OSBPL3: variants seen among roughly 807,000 people sequenced by gnomAD.
OSBPL3 encodes the protein oxysterol-binding protein-related protein 3.
A neutral mutation model predicts 120.1 loss-of-function variants in OSBPL3; 65 were observed. The observed-to-expected ratio is 0.54, with a 90% CI of 0.44 to 0.67. OSBPL3 has a LOEUF of 0.67. OSBPL3 is among the 30% of genes least tolerant of loss of function. OSBPL3 has a pLI of 0.00. For missense variants in OSBPL3, 1,004 were observed against 1,082.1 expected, an observed-to-expected ratio of 0.93 and a Z score of 1.01; for synonymous variants, 416 against 402.6, an observed-to-expected ratio of 1.03 and a Z score of -0.40.
rs544717614 is a variant in OSBPL3, at chr7:24,968,730, G to A, written c.-150+11156C>T. Among the ~76,000 whole-genome samples the A allele has an allele frequency of 6.6e-6, 1 of 152,266 alleles. No homozygotes were observed. The highest frequency in any genetic ancestry group is 6.5e-5 in the Admixed American group (1 of 15,306). ...CAATTTTATCCATGTGTGCATATAT[G>A]CATGAATATATGTCCATGTGTATAT... On this transcript the variant is annotated intron_variant, in intron 1 of 22. Coordinates refer to ENST00000313367, the MANE Select transcript of OSBPL3 (RefSeq NM_015550.4). This position sits in a 1 kb window ranked among gnomAD's most constrained non-coding sequence, Gnocchi z 4.6.
chr7:24,958,648 T>G (rs1291696771), intron 1 of OSBPL3, among the ~76,000 whole-genome samples: 1 of 152,186 alleles, frequency 6.6e-6, no homozygotes, highest in African/African-American at 2.4e-5. Flanking sequence ...CACTCTGCCA[T>G]GTACACATAT....
chr7:24,887,934 A>T (rs1367179074), intron 2 of OSBPL3, among the ~76,000 whole-genome samples: 1 of 152,138 alleles, frequency 6.6e-6, no homozygotes, highest in Non-Finnish European at 1.5e-5. Context: ...AACTTTTTTC[A>T]CTTGTTTTAG....
intron 1 of OSBPL3, among the ~76,000 whole-genome samples, chr7:24,944,393 C>T (rs1378567619): frequency 1.3e-5 from 2 of 151,842 alleles, no homozygotes; most frequent in Non-Finnish European, 2.9e-5. Context: ...CTTTGGGAGG[C>T]CAAGGCAGGC....
chr7:24,934,513 C>G (rs1373026686), intron 1 of OSBPL3, among the ~76,000 whole-genome samples: 1 of 152,146 alleles, frequency 6.6e-6, no homozygotes, highest in Non-Finnish European at 1.5e-5. Flanking sequence ...CTTTTGGCCC[C>G]CAACCACTAG....
At chr7:24,869,618 T>C (rs1386186839) in intron 5 of OSBPL3, among the ~76,000 whole-genome samples, 1 of 152,216 alleles carries the variant, frequency 6.6e-6, no homozygotes, top group Non-Finnish European at 1.5e-5. Context: ...AATATCCTGC[T>C]GTACAAAGTC....
At chr7:24,924,395 G>A (rs1272561093) in intron 1 of OSBPL3, among the ~76,000 whole-genome samples, 3 of 152,072 alleles carry the variant, frequency 2.0e-5, no homozygotes, top group African/African-American at 7.2e-5. Flanking sequence ...GATATATTAC[G>A]TAAAAAACAA....
In OSBPL3 at chr7:24,822,200, T is replaced by C. The variant is rs1795208818; in HGVS notation, c.1885-1962A>G. Among the ~76,000 whole-genome samples, 1 of 152,180 alleles carries C rather than the reference T, an allele frequency of 6.6e-6. No individual in the cohort carries two copies. The highest frequency in any genetic ancestry group is 1.5e-5 in the Non-Finnish European group (1 of 68,032). The stretch of plus-strand genomic sequence containing the variant: ...TCTTTTTTAAAAAAATCCTACCACT[T>C]GGAGATACCTTATATTAAAAAATGC... On this transcript the variant is annotated intron_variant, in intron 16 of 22. Coordinates refer to ENST00000313367, the MANE Select transcript of OSBPL3 (RefSeq NM_015550.4). The surrounding 1 kb of genome is among the most constrained non-coding windows in gnomAD (Gnocchi z 5.8).
In OSBPL3 at chr7:24,813,954, A is replaced by G. The variant is rs1312128598; in HGVS notation, c.2172+1105T>C. Among the ~76,000 whole-genome samples the G allele has an allele frequency of 1.3e-5, 2 of 152,308 alleles. No homozygotes were observed. Among genetic ancestry groups the G allele is most frequent in the East Asian group, 3.9e-4 (2 of 5,184 alleles). On this transcript the variant is annotated intron_variant, in intron 19 of 22. Coordinates refer to ENST00000313367, the MANE Select transcript of OSBPL3 (RefSeq NM_015550.4). The surrounding 1 kb of genome is among the most constrained non-coding windows in gnomAD (Gnocchi z 4.5). The stretch of plus-strand genomic sequence containing the variant: ...TATGAGTCTCTCATGTGTGCCAGAC[A>G]CCATTGCAGGAATCAGGGCTACAGA...
In OSBPL3 at chr7:24,817,241, G is replaced by C. The variant is rs1794584902; in HGVS notation, c.1949-553C>G. On this transcript the variant is annotated intron_variant, in intron 17 of 22. Transcript: ENST00000313367. The surrounding 1 kb of genome is among the most constrained non-coding windows in gnomAD (Gnocchi z 4.0). Reference sequence around the variant, plus strand: ...GTAGAAAGGTTGAGAACAAAACCAGGTGCAGTGGCTCATGCCTGTAATCCT... The same window carrying C: ...GTAGAAAGGTTGAGAACAAAACCAGCTGCAGTGGCTCATGCCTGTAATCCT... 6.6e-6 allele frequency among the ~76,000 whole-genome samples: 1 copy of C among 152,216 alleles called. No individual in the cohort carries two copies. Among genetic ancestry groups the C allele is most frequent in the Non-Finnish European group, 1.5e-5 (1 of 68,042 alleles).
At chr7:24,962,408 A>AGGGAG (rs1159104070) in intron 1 of OSBPL3, among the ~76,000 whole-genome samples, 2 of 75,078 alleles carry the variant, frequency 2.7e-5, no homozygotes, top group African/African-American at 5.1e-5. Flanking sequence ...GGAGGGCAGA[A>AGGGAG]GGGAGGGGAG....
At chr7:24,848,081 T>A (rs1421033671) in intron 12 of OSBPL3, among the ~76,000 whole-genome samples, 1 of 152,168 alleles carries the variant, frequency 6.6e-6, no homozygotes, top group Non-Finnish European at 1.5e-5. Flanking sequence ...CCATCTTGTC[T>A]CCAAATGGGT....
rs763547574 is a variant in OSBPL3 at position 24,820,124 on chromosome 7, T to G, written c.1948+51A>C. The stretch of plus-strand genomic sequence containing the variant: ...GACAGCAATTCTTGGATAAAATAAA[T>G]AGATAACATATTACACAATATGATG... On this transcript the variant is annotated intron_variant, in intron 17 of 22. Coordinates refer to ENST00000313367, the MANE Select transcript of OSBPL3 (RefSeq NM_015550.4). This position sits in a 1 kb window ranked among gnomAD's most constrained non-coding sequence, Gnocchi z 4.6. 1.6e-6 allele frequency: 2 copies of G among 1,268,492 alleles called. No individual in the cohort carries two copies. The highest frequency in any genetic ancestry group is 4.9e-5 in the East Asian group (2 of 40,892). 78.6% of individuals were successfully genotyped at this position (1,268,492 alleles called of 1,614,324 possible). A position where few individuals can be genotyped will look rare whatever the true frequency, so the allele number is the denominator to read the frequency against.
Position 24,804,204 on chromosome 7 carries a change from G to A in OSBPL3, c.2567+111C>T, listed in dbSNP as rs964764165. 1.1e-5 allele frequency: 14 copies of A among 1,305,760 alleles called. No homozygotes were observed. In the African/African-American group the frequency reaches 1.8e-4, roughly 16 times the overall value. 80.9% of individuals were successfully genotyped at this position (1,305,760 alleles called of 1,614,324 possible). A position where few individuals can be genotyped will look rare whatever the true frequency, so the allele number is the denominator to read the frequency against. On this transcript the variant is annotated intron_variant, in intron 22 of 22. Coordinates refer to ENST00000313367, the MANE Select transcript of OSBPL3 (RefSeq NM_015550.4). The surrounding 1 kb of genome is among the most constrained non-coding windows in gnomAD (Gnocchi z 5.4). Reference sequence around the variant, plus strand: ...GTACCCCCACGTGGAAGCAGGAAAAGCCTGGAGAATGCTCTTATCTGGGGA... The same window carrying A: ...GTACCCCCACGTGGAAGCAGGAAAAACCTGGAGAATGCTCTTATCTGGGGA...
rs369476837 is a variant in OSBPL3 at position 24,806,795 on chromosome 7, G to A, written c.2425C>T (p.Arg809Ter). Reference sequence around the variant, plus strand: ...CCTTACCTCTGGTCTGGCCTAAATCGAGTGTCAGTAGGTGGCAATAAAGAC... The same window carrying A: ...CCTTACCTCTGGTCTGGCCTAAATCAAGTGTCAGTAGGTGGCAATAAAGAC... ...SKSLLPPTDT[R>*]FRPDQRFLEE... Residue 809 changes from arginine to a stop codon, truncating the protein, a stop_gained, in exon 21 of 23, where the codon CGA (arginine) becomes TGA (stop). Coordinates refer to ENST00000313367, the MANE Select transcript of OSBPL3 (RefSeq NM_015550.4). LOFTEE classifies it high-confidence loss of function. The surrounding 1 kb of genome is among the most constrained non-coding windows in gnomAD (Gnocchi z 5.2). The A allele has an allele frequency of 6.8e-6, 11 of 1,613,902 alleles. No individual in the cohort carries two copies. The highest frequency in any genetic ancestry group is 6.7e-5 in the Admixed American group (4 of 60,014).
rs1055082733 is a variant in OSBPL3 at position 24,953,548 on chromosome 7, T to A, written c.-150+26338A>T. Among the ~76,000 whole-genome samples the A allele has an allele frequency of 1.3e-5, 2 of 152,188 alleles. No homozygotes were observed. Among genetic ancestry groups the A allele is most frequent in the Non-Finnish European group, 2.9e-5 (2 of 68,038 alleles). On this transcript the variant is annotated intron_variant, in intron 1 of 22. Coordinates refer to ENST00000313367, the MANE Select transcript of OSBPL3 (RefSeq NM_015550.4). This position sits in a 1 kb window ranked among gnomAD's most constrained non-coding sequence, Gnocchi z 4.3. ...TCATTATTACTCTCAGTATGAAAAC[T>A]AAATAGATCATCAGAAAAAGAATTA...
In OSBPL3 at chr7:24,912,133, A is replaced by G. The variant is rs1808908753; in HGVS notation, c.-149-19512T>C. Among the ~76,000 whole-genome samples the G allele has an allele frequency of 6.6e-6, 1 of 152,220 alleles. No individual in the cohort carries two copies. The highest frequency in any genetic ancestry group is 2.4e-5 in the African/African-American group (1 of 41,454). On this transcript the variant is annotated intron_variant, in intron 1 of 22. Transcript: ENST00000313367. The surrounding 1 kb of genome is among the most constrained non-coding windows in gnomAD (Gnocchi z 4.5). ...CCCTCCCCTTCACACTAGCTACTAG[A>G]AGGTTTTTACTAAATTTTATCTCCG...
chr7:24,957,008 A>G (rs1413162034), intron 1 of OSBPL3, among the ~76,000 whole-genome samples: 1 of 152,216 alleles, frequency 6.6e-6, no homozygotes, highest in Non-Finnish European at 1.5e-5. Flanking sequence ...CAGTATAACT[A>G]GAATAAGTCA....
chr7:24,890,203 T>C lies in OSBPL3; in HGVS notation c.96+2174A>G, dbSNP rs538204759. Among the ~76,000 whole-genome samples, 3 of 152,322 alleles carry C rather than the reference T, an allele frequency of 2.0e-5. No homozygotes were observed. The South Asian group carries it at 6.2e-4, about 32-fold the overall frequency. ...TTTGAAAATGACTTTAAACTGGTGT[T>C]TGAAATACAAGTTGGTATTTGTACA... On this transcript the variant is annotated intron_variant, in intron 2 of 22. Transcript: ENST00000313367.
chr7:24,935,320 C>T (rs1361097846), intron 1 of OSBPL3, among the ~76,000 whole-genome samples: 3 of 152,136 alleles, frequency 2.0e-5, no homozygotes, highest in African/African-American at 7.2e-5. Context: ...AATTAGGCTA[C>T]ACAGTTTACT....
Sources: allele counts gnomAD v4.1 joint callset (sites outside exome capture counted in the v4.1 genomes callset), GRCh38; gene constraint gnomAD v4.1.1; non-coding constraint Gnocchi (gnomAD v3.1); transcripts MANE v1.5; gene names NCBI Gene and HGNC (gene_info 2026-07-23, HGNC 2026-07-21).